HIRA: variants seen among roughly 807,000 people sequenced by gnomAD.
HIRA encodes the protein histone cell cycle regulator, also known as protein HIRA.
A neutral mutation model predicts 126.6 loss-of-function variants in HIRA; 13 were observed. The observed-to-expected ratio is 0.10, with a 90% CI of 0.07 to 0.16. HIRA has a LOEUF of 0.16. Among genes scored for constraint, HIRA ranks in the 10% least tolerant of loss-of-function variants. The pLI, the probability that HIRA is intolerant of heterozygous loss-of-function variation, is 1.00. For synonymous variants in HIRA, 511 were observed against 520.0 expected (o/e 0.98, Z 0.24); for missense variants, 834 against 1,314.4 (o/e 0.63, Z 5.65).
At chr22:19,333,336 G>T (rs1378760960) in intron 24 of HIRA, among the ~76,000 whole-genome samples, 2 of 152,036 alleles carry the variant, frequency 1.3e-5, no homozygotes, top group Non-Finnish European at 2.9e-5. Flanking sequence ...GAAAGAAAAA[G>T]ATATGATTAC....
chr22:19,367,828 T>C (rs1320620994), intron 15 of HIRA, among the ~76,000 whole-genome samples: 3 of 152,226 alleles, frequency 2.0e-5, no homozygotes, highest in Non-Finnish European at 4.4e-5. Context: ...CCAAATATTT[T>C]TGATCCATAG....
At chr22:19,414,963 T>TTTATTTATTTATTTATTTA (rs2089383894) in intron 1 of HIRA, among the ~76,000 whole-genome samples, 1 of 129,166 alleles carries the variant, frequency 7.7e-6, no homozygotes, top group African/African-American at 3.7e-5. Context: ...TTATTTATTT[T>TTTATTTATTTATTTATTTA]GAGACGAAAT....
At chr22:19,360,174 C>T (rs530128522) in intron 17 of HIRA, among the ~76,000 whole-genome samples, 1 of 152,242 alleles carries the variant, frequency 6.6e-6, no homozygotes, top group Admixed American at 6.5e-5. Context: ...TGTGTGGCCA[C>T]TCAAGTGGGT....
chr22:19,351,981 G>A lies in HIRA; in HGVS notation c.2849-535C>T, dbSNP rs1468192027. The stretch of plus-strand genomic sequence containing the variant: ...CTGCTAGAAAGGCTGGAGGTAGAGT[G>A]TCGGGGTTTGTCAGCACTTGGGGCA... On this transcript the variant is annotated intron_variant, in intron 23 of 24. Transcript: ENST00000263208. This position sits in a 1 kb window ranked among gnomAD's most constrained non-coding sequence, Gnocchi z 4.8. Among the ~76,000 whole-genome samples the A allele has an allele frequency of 6.6e-6, 1 of 152,082 alleles. No individual in the cohort carries two copies. Among genetic ancestry groups the A allele is most frequent in the Non-Finnish European group, 1.5e-5 (1 of 68,022 alleles).
At chr22:19,341,501 C>T (rs1326963954) in intron 24 of HIRA, among the ~76,000 whole-genome samples, 9 of 147,490 alleles carry the variant, frequency 6.1e-5, no homozygotes, top group African/African-American at 2.0e-4. Flanking sequence ...CCCAAATAGC[C>T]AAAGCAAGAT....
At chr22:19,393,181 G>C (rs1176436448) in intron 8 of HIRA, among the ~76,000 whole-genome samples, 2 of 152,136 alleles carry the variant, frequency 1.3e-5, no homozygotes, top group Non-Finnish European at 2.9e-5. Flanking sequence ...TGTGAGGACT[G>C]CATGGGAGAA....
At chr22:19,377,533 G>A (rs2089030471) in intron 14 of HIRA, among the ~76,000 whole-genome samples, 2 of 152,092 alleles carry the variant, frequency 1.3e-5, no homozygotes, top group Non-Finnish European at 2.9e-5. Context: ...AGTGGAAGCT[G>A]AGGCCCCAGA....
At position 19,368,795 on chromosome 22, in the gene HIRA, C is replaced by T. The variant is rs112072030; in HGVS notation, c.1775+6836G>A. 4.2e-3 allele frequency among the ~76,000 whole-genome samples: 644 copies of T among 152,276 alleles called. 4 individuals are homozygous for T. The highest frequency in any genetic ancestry group is 0.015 in the African/African-American group (606 of 41,548). ...TCTAAGTTTCTAAGGCGGGCGGTGG[C>T]TTCCTGAGCTCACCACAGCACTGGC... On this transcript the variant is annotated intron_variant, in intron 15 of 24. Transcript: ENST00000263208.
Position 19,397,982 on chromosome 22 carries a change from G to C in HIRA, c.493+10C>G. ...TGCTTGCTGTTAACCAGTCAGAGGA[G>C]GCCCCAGACCTGGGAACTTTACAGC... On this transcript the variant is annotated intron_variant, in intron 6 of 24. Coordinates refer to ENST00000263208, the MANE Select transcript of HIRA (RefSeq NM_003325.4). 1 of 1,608,764 alleles carries C rather than the reference G, an allele frequency of 6.2e-7. No individual in the cohort carries two copies. The highest frequency in any genetic ancestry group is 1.3e-5 in the African/African-American group (1 of 74,900).
intron 4 of HIRA, 63 bp from the exon 5 acceptor site, chr22:19,405,943 C>A: frequency 9.1e-7 from 1 of 1,093,314 alleles, no homozygotes; most frequent in Admixed American, 3.1e-5. Flanking sequence ...TAGAAATGCT[C>A]CCTGCAGCCA....
At chr22:19,375,901 C>A in intron 14 of HIRA, 109 bp from the exon 15 acceptor site, 3 of 1,143,890 alleles carry the variant, frequency 2.6e-6, no homozygotes, top group South Asian at 3.1e-5. Context: ...TATCAAACTT[C>A]CATAAACACA....
At chr22:19,338,228 T>TA (rs1455493672) in intron 24 of HIRA, among the ~76,000 whole-genome samples, 1 of 152,106 alleles carries the variant, frequency 6.6e-6, no homozygotes, top group Admixed American at 6.5e-5. Flanking sequence ...TTAAGTGTCA[T>TA]ATATGAAGGA....
rs540598046 is a variant in HIRA at position 19,418,031 on chromosome 22, A to C, written c.38-7253T>G. 4.6e-5 allele frequency among the ~76,000 whole-genome samples: 7 copies of C among 152,330 alleles called. No homozygotes were observed. The East Asian group carries it at 7.7e-4, about 17-fold the overall frequency. ...TTCCACTTATATGAGCTATCTATGA[A>C]TAGTCAAATTCATAGAAACACAAAG... On this transcript the variant is annotated intron_variant, in intron 1 of 24. Transcript: ENST00000263208.
intron 24 of HIRA, among the ~76,000 whole-genome samples, chr22:19,339,023 A>C (rs2088597368): frequency 6.6e-6 from 1 of 152,240 alleles, no homozygotes; most frequent in South Asian, 2.1e-4. Context: ...AGCACATGGA[A>C]CATTCTCCAA....
At chr22:19,408,790 C>A (rs5748184) in intron 2 of HIRA, among the ~76,000 whole-genome samples, 197 bp from the exon 3 acceptor site, 4 of 152,224 alleles carry the variant, frequency 2.6e-5, no homozygotes, top group East Asian at 3.9e-4. Flanking sequence ...CGAAACGGAG[C>A]GGACTTAGCA....
At chr22:19,380,197 TA>T (rs1323305281) in intron 13 of HIRA, among the ~76,000 whole-genome samples, 1 of 152,202 alleles carries the variant, frequency 6.6e-6, no homozygotes, top group Non-Finnish European at 1.5e-5. Flanking sequence ...TCTGAGATTA[TA>T]AAAAATATTC....
At chr22:19,369,956 T>C (rs2088950313) in intron 15 of HIRA, among the ~76,000 whole-genome samples, 1 of 151,976 alleles carries the variant, frequency 6.6e-6, no homozygotes, top group South Asian at 2.1e-4. Flanking sequence ...ACAAAGAAAA[T>C]CTCCACTGAT....
intron 1 of HIRA, among the ~76,000 whole-genome samples, chr22:19,419,271 G>C (rs1440579735): frequency 2.0e-5 from 3 of 152,150 alleles, no homozygotes; most frequent in Non-Finnish European, 4.4e-5. Context: ...GCCAGACCTT[G>C]AGAGGAGAGG....
At chr22:19,415,732 T>C (rs975250732) in intron 1 of HIRA, among the ~76,000 whole-genome samples, 1 of 152,122 alleles carries the variant, frequency 6.6e-6, no homozygotes, top group Non-Finnish European at 1.5e-5. Flanking sequence ...GAGGTTGCAG[T>C]GAGCCAATTT....
Sources: gnomAD v4.1 joint callset for allele counts (sites outside exome capture counted in the v4.1 genomes callset) on GRCh38, gnomAD v4.1.1 for gene constraint, Gnocchi (gnomAD v3.1) non-coding constraint, MANE v1.5 for transcripts, NCBI Gene and HGNC (gene_info 2026-07-23, HGNC 2026-07-21) for gene names.